The following WWOX variants were observed in gnomAD, a reference collection of about 807,000 sequenced individuals.
WWOX encodes WW domain containing oxidoreductase.
In WWOX, 69 loss-of-function variants were observed where a neutral mutation model predicts 46.2. The ratio of observed to expected loss-of-function variants is 1.49; its 90% CI spans 1.23 to 1.82. WWOX has a LOEUF of 1.82. Ranked by LOEUF, WWOX falls within the 40% of genes most tolerant of loss-of-function variation. WWOX has a pLI of 0.00. For missense variants in WWOX, 919 were observed against 542.6 expected (o/e 1.69, Z -6.89); for synonymous variants, 359 against 202.6 (o/e 1.77, Z -6.56).
At chr16:78,540,737 A>T (rs2081456163) in intron 8 of WWOX, among the ~76,000 whole-genome samples, 1 of 151,996 alleles carries the variant, frequency 6.6e-6, no homozygotes, top group Non-Finnish European at 1.5e-5. Flanking sequence ...CCCCGGCTGC[A>T]GTGCAGTGAC....
chr16:79,023,357 G>C (rs374783497), intron 8 of WWOX, among the ~76,000 whole-genome samples: 8 of 152,146 alleles, frequency 5.3e-5, no homozygotes, highest in African/African-American at 1.9e-4. Context: ...TGAGTTCTAG[G>C]GGGAGATGAG....
chr16:78,262,097 C>CAAAAAAAAAAAAAAAA (rs752161345), intron 5 of WWOX, among the ~76,000 whole-genome samples: 1 of 62,610 alleles, frequency 1.6e-5, no homozygotes, highest in African/African-American at 6.6e-5. Flanking sequence ...GAAACTCTGT[C>CAAAAAAAAAAAAAAAA]AAAAAAAAAA....
chr16:79,035,678 A>T (rs2047852275), intron 8 of WWOX, among the ~76,000 whole-genome samples: 1 of 152,162 alleles, frequency 6.6e-6, no homozygotes, highest in Non-Finnish European at 1.5e-5. Context: ...AGCTGGGAGT[A>T]CAAGTGTGCA....
At chr16:79,125,676 C>T (rs949591389) in intron 8 of WWOX, among the ~76,000 whole-genome samples, 7 of 152,156 alleles carry the variant, frequency 4.6e-5, no homozygotes, top group African/African-American at 1.7e-4. Context: ...ACCCCCAGGC[C>T]ATGGACCAAG....
chr16:78,101,087 G>A (rs997578891), intron 1 of WWOX, among the ~76,000 whole-genome samples: 3 of 150,634 alleles, frequency 2.0e-5, no homozygotes, highest in Admixed American at 6.6e-5. Context: ...TTGCTCTGTC[G>A]CCCAGGCTGG....
At chr16:78,656,297 A>G (rs1212076237) in intron 8 of WWOX, among the ~76,000 whole-genome samples, 1 of 152,038 alleles carries the variant, frequency 6.6e-6, no homozygotes, top group African/African-American at 2.4e-5. Flanking sequence ...ACCCACTCCA[A>G]CATGCATGTC....
At chr16:78,621,848 G>A (rs2046197741) in intron 8 of WWOX, among the ~76,000 whole-genome samples, 1 of 151,944 alleles carries the variant, frequency 6.6e-6, no homozygotes, top group South Asian at 2.1e-4. Context: ...CTCATGATCT[G>A]CCTACCTTAG....
At chr16:78,333,897 A>G (rs1345753423) in intron 5 of WWOX, among the ~76,000 whole-genome samples, 1 of 152,172 alleles carries the variant, frequency 6.6e-6, no homozygotes, top group East Asian at 1.9e-4. Context: ...CAGTGAGAGC[A>G]GAAAAGGTAT....
chr16:78,967,496 G>A (rs2046385553), intron 8 of WWOX, among the ~76,000 whole-genome samples: 1 of 141,974 alleles, frequency 7.0e-6, no homozygotes, highest in South Asian at 2.3e-4. Flanking sequence ...CTGAGATGGG[G>A]ATTTCACCAT....
chr16:78,786,140 C>T (rs181335533), intron 8 of WWOX, among the ~76,000 whole-genome samples: 475 of 152,240 alleles, frequency 3.1e-3, no homozygotes, highest in Admixed American at 6.0e-3. Context: ...GAACTCCTGC[C>T]CTCCGGTGAT....
At chr16:78,148,601 TA>T (rs1169139103) in intron 4 of WWOX, among the ~76,000 whole-genome samples, 1 of 152,056 alleles carries the variant, frequency 6.6e-6, no homozygotes, top group Admixed American at 6.6e-5. Context: ...GACAAGTTTA[TA>T]AAAGTGCCAT....
At chr16:78,446,217 C>T (rs1038832675) in intron 8 of WWOX, among the ~76,000 whole-genome samples, 28 of 152,108 alleles carry the variant, frequency 1.8e-4, no homozygotes, top group Non-Finnish European at 2.9e-5. Flanking sequence ...TACTTGAGAC[C>T]ATGTTCCAGA....
chr16:78,718,291 G>A lies in WWOX; in HGVS notation c.1056+285539G>A, dbSNP rs1202878214. On this transcript the variant is annotated intron_variant, in intron 8 of 8. Transcript: ENST00000566780. ...CATTTCCATGTTAAGAGAAAAGTCCGTGAGGGATTCTCACTGGATACCATC... is the reference window on the plus strand; with the variant it reads ...CATTTCCATGTTAAGAGAAAAGTCCATGAGGGATTCTCACTGGATACCATC... 1.1e-4 allele frequency among the ~76,000 whole-genome samples: 16 copies of A among 151,786 alleles called. No individual in the cohort carries two copies. In the South Asian group the frequency reaches 2.1e-3, roughly 20 times the overall value.
intron 8 of WWOX, among the ~76,000 whole-genome samples, chr16:78,940,106 G>T (rs765302027): frequency 6.6e-6 from 1 of 152,090 alleles, no homozygotes; most frequent in Non-Finnish European, 1.5e-5. Flanking sequence ...TTTTATTTGG[G>T]CCAGGGTCTT....
intron 8 of WWOX, among the ~76,000 whole-genome samples, chr16:78,662,927 G>C (rs989023900): frequency 6.6e-5 from 10 of 152,198 alleles, no homozygotes; most frequent in African/African-American, 2.4e-4. Flanking sequence ...GCAAGAATTG[G>C]TGAGAGAGAC....
chr16:78,336,374 A>T (rs2080888494), intron 5 of WWOX, among the ~76,000 whole-genome samples: 1 of 148,860 alleles, frequency 6.7e-6, no homozygotes, highest in African/African-American at 2.5e-5. Flanking sequence ...AGGTGTGGTG[A>T]TGTGGCCTAT....
chr16:78,901,982 C>T (rs1221517348), intron 8 of WWOX, among the ~76,000 whole-genome samples: 1 of 152,188 alleles, frequency 6.6e-6, no homozygotes, highest in Non-Finnish European at 1.5e-5. Flanking sequence ...TTCTAAGTGG[C>T]AGATTTGCCT....
chr16:78,308,413 C>A (rs2080174070), intron 5 of WWOX, among the ~76,000 whole-genome samples: 1 of 152,104 alleles, frequency 6.6e-6, no homozygotes, highest in Non-Finnish European at 1.5e-5. Flanking sequence ...TCAGTCACAA[C>A]TGAACAGCAT....
chr16:78,195,929 C>A (rs1329485725), intron 5 of WWOX, among the ~76,000 whole-genome samples: 2 of 151,476 alleles, frequency 1.3e-5, no homozygotes, highest in African/African-American at 4.9e-5. Context: ...TATTTTCGCA[C>A]TTCCTATTTT....
Sources: allele counts gnomAD v4.1 joint callset (sites outside exome capture counted in the v4.1 genomes callset), GRCh38; gene constraint gnomAD v4.1.1; transcripts MANE v1.5; gene names NCBI Gene and HGNC (gene_info 2026-07-23, HGNC 2026-07-21).